Variants in COL11A1 observed in about 807,000 individuals in gnomAD.
COL11A1 encodes the protein collagen type XI alpha 1 chain.
Under a neutral mutation model 265.2 loss-of-function variants are expected in COL11A1, and 74 were observed. That is an observed-to-expected ratio of 0.28 (90% confidence interval 0.23 to 0.34). The LOEUF (loss-of-function observed/expected upper bound fraction) is 0.34. COL11A1 is among the 10% of genes least tolerant of loss of function. The pLI is 1.00. For missense variants in COL11A1, 2,165 were observed against 2,263.6 expected (o/e 0.96, Z 0.88); for synonymous variants, 816 against 727.6 (o/e 1.12, Z -1.96).
intron 18 of COL11A1, 113 bp downstream of exon 18, chr1:103,005,725 G>A (rs1422406158): frequency 4.1e-6 from 5 of 1,205,528 alleles, no homozygotes; most frequent in Non-Finnish European, 1.2e-6. Flanking sequence ...ATTATTAAGT[G>A]GATTCACAAA....
At chr1:103,085,055 G>T (rs1309729677) in intron 1 of COL11A1, among the ~76,000 whole-genome samples, 4 of 152,086 alleles carry the variant, frequency 2.6e-5, no homozygotes, top group Non-Finnish European at 4.4e-5. Flanking sequence ...GTAGTGCTGG[G>T]TTAAATTAAG....
At chr1:102,912,262 G>T in intron 53 of COL11A1, 50 bp from the exon 54 acceptor site, 1 of 1,475,326 alleles carries the variant, frequency 6.8e-7, no homozygotes, top group South Asian at 1.2e-5. Context: ...TTATTTTGTG[G>T]CCCACATAAA....
intron 61 of COL11A1, 45 bp downstream of exon 61, chr1:102,888,678 T>C (rs1651331753): frequency 6.2e-7 from 1 of 1,613,556 alleles, no homozygotes; most frequent in Non-Finnish European, 8.5e-7. Context: ...GGCAATTAAA[T>C]AGGTTTCAAT....
Position 103,002,485 on chromosome 1 carries a change from C to T in COL11A1, c.2044-4G>A. ...GCCCAGGCTCCCCTTGGGGACCCTG[C>T]CAGAGGAAAATATAAAAAGTTTTTA... On this transcript the variant is annotated splice_region_variant and splice_polypyrimidine_tract_variant and intron_variant, in intron 22 of 66. Coordinates refer to ENST00000370096, the MANE Select transcript of COL11A1 (RefSeq NM_001854.4). 1 of 1,605,714 alleles carries T rather than the reference C, an allele frequency of 6.2e-7. No homozygotes were observed. The highest frequency in any genetic ancestry group is 8.5e-7 in the Non-Finnish European group (1 of 1,175,798).
At chr1:102,994,315 TG>T in intron 28 of COL11A1, among the ~76,000 whole-genome samples, 1 of 151,914 alleles carries the variant, frequency 6.6e-6, no homozygotes, top group Admixed American at 6.6e-5. Flanking sequence ...ATCACGGGGG[TG>T]GATTTCCATT....
intron 4 of COL11A1, among the ~76,000 whole-genome samples, chr1:103,068,631 A>G (rs1671334586): frequency 6.6e-6 from 1 of 151,564 alleles, no homozygotes; most frequent in African/African-American, 2.4e-5. Context: ...AAAAATAAGT[A>G]AAAAGCATAA....
intron 44 of COL11A1, 110 bp from the exon 45 acceptor site, chr1:102,935,223 A>G: frequency 1.2e-6 from 1 of 806,664 alleles, no homozygotes; most frequent in East Asian, 2.7e-5. Flanking sequence ...ACTCCTTTGG[A>G]AAAAAAGAAG....
intron 6 of COL11A1, 124 bp downstream of exon 6, chr1:103,026,092 T>C: frequency 2.5e-6 from 3 of 1,204,768 alleles, no homozygotes; most frequent in East Asian, 2.3e-5. Context: ...AAAATCACAG[T>C]TATTGGTTCA....
At chr1:103,103,682 G>A (rs554435266) in intron 1 of COL11A1, among the ~76,000 whole-genome samples, 11 of 151,796 alleles carry the variant, frequency 7.2e-5, no homozygotes, top group East Asian at 5.8e-4. Flanking sequence ...ATAATATATC[G>A]AATTCTTTCT....
chr1:103,081,482 T>G (rs2102316674), intron 2 of COL11A1, among the ~76,000 whole-genome samples: 1 of 152,050 alleles, frequency 6.6e-6, no homozygotes, highest in South Asian at 2.1e-4. Flanking sequence ...TTTAACTTTT[T>G]TATTTTCAAA....
At position 102,987,655 on chromosome 1, in the gene COL11A1, G is replaced by A. The variant is rs1252968708; in HGVS notation, c.2480C>T (p.Pro827Leu). The A allele has an allele frequency of 6.2e-7, 1 of 1,613,458 alleles. No homozygotes were observed. The change falls in exon 30 of 67, where the codon CCT becomes CTT. Residue 827 changes from proline to leucine, a missense_variant. Coordinates refer to ENST00000370096, the MANE Select transcript of COL11A1 (RefSeq NM_001854.4). ...GRAGPTGDPGPSGQAGEKGKL... is the reference protein window; with the variant it reads ...GRAGPTGDPGLSGQAGEKGKL... ...AACCTTTTCTCCTGCTTGACCTGAA[G>A]GACCTGGGTCTCCAGTTGGGCCTGC... is the stretch of plus-strand genomic sequence containing the variant.
At chr1:102,884,875 C>A (rs999804202) in intron 63 of COL11A1, among the ~76,000 whole-genome samples, 1 of 152,196 alleles carries the variant, frequency 6.6e-6, no homozygotes, top group Admixed American at 6.5e-5. Context: ...TAAACTTTCA[C>A]TCCTATAACC....
chr1:103,099,170 A>G (rs1674031668), intron 1 of COL11A1, among the ~76,000 whole-genome samples: 1 of 151,744 alleles, frequency 6.6e-6, no homozygotes. Context: ...AAACATACCT[A>G]TACCAGTGAT....
chr1:102,998,188 T>C, intron 25 of COL11A1, 122 bp downstream of exon 25: 1 of 841,780 alleles, frequency 1.2e-6, no homozygotes, highest in Non-Finnish European at 2.0e-6. Context: ...GAGATCAATG[T>C]TTAATTACTG....
chr1:102,924,879 G>A (rs1029580299), intron 46 of COL11A1, among the ~76,000 whole-genome samples: 2 of 152,044 alleles, frequency 1.3e-5, no homozygotes, highest in South Asian at 2.1e-4. Flanking sequence ...TATGTAGGTA[G>A]AATAGGTATG....
intron 30 of COL11A1, among the ~76,000 whole-genome samples, chr1:102,987,208 G>A (rs191183758): frequency 0.01 from 1,579 of 151,606 alleles, 11 homozygotes; most frequent in Middle Eastern, 0.041. Flanking sequence ...GTATTTAATA[G>A]GAATTTAACA....
At chr1:102,993,971 C>T (rs923402413) in intron 28 of COL11A1, among the ~76,000 whole-genome samples, 1 of 152,148 alleles carries the variant, frequency 6.6e-6, no homozygotes, top group African/African-American at 2.4e-5. Context: ...TCAGGATGAA[C>T]TGAGATTACC....
chr1:103,025,515 T>A lies in COL11A1; in HGVS notation c.990+6A>T, dbSNP rs977628503. ...ACTGTGATTTAATACTGTCTATACG[T>A]ATTACCTCATTTGTCCCAGAAACAT... On this transcript the variant is annotated splice_donor_region_variant and intron_variant, in intron 7 of 66. Transcript: ENST00000370096. 1.9e-6 allele frequency: 3 copies of A among 1,589,340 alleles called. No homozygotes were observed. The highest frequency in any genetic ancestry group is 2.6e-6 in the Non-Finnish European group (3 of 1,157,994).
intron 11 of COL11A1, 131 bp from the exon 12 acceptor site, chr1:103,015,873 T>C: frequency 1.6e-6 from 1 of 611,364 alleles, no homozygotes. Flanking sequence ...TAGTCTGTTT[T>C]TAGTAAGTAT....
Sources: gnomAD v4.1 joint callset for allele counts (sites outside exome capture counted in the v4.1 genomes callset) on GRCh38, gnomAD v4.1.1 for gene constraint, MANE v1.5 for transcripts, NCBI Gene and HGNC (gene_info 2026-07-23, HGNC 2026-07-21) for gene names.